The following ACAA1 variants were observed in gnomAD, a reference collection of about 807,000 sequenced individuals.
ACAA1 encodes 3-ketoacyl-CoA thiolase, peroxisomal.
ACAA1 carries 44 observed loss-of-function variants against 48.8 expected under a neutral mutation model. The ratio of observed to expected loss-of-function variants is 0.90; its 90% CI spans 0.71 to 1.16. The LOEUF (loss-of-function observed/expected upper bound fraction) is 1.16. Among genes scored for constraint, ACAA1 ranks in the 50% most tolerant of loss-of-function variants. The pLI is 0.00. For missense variants in ACAA1, 512 were observed against 562.3 expected (o/e 0.91, Z 0.90); for synonymous variants, 233 against 226.5 (o/e 1.03, Z -0.26).
rs760071041 is a variant in ACAA1, at chr3:38,136,934, C to G, written c.102G>C (p.Ser34=). ...CGTGCACCACCACCACGTCCGCGGC[C>G]GAGGCCTGCGGGGCACCGCTCAGGC... The part of the protein sequence containing the change: ...APCLSGAPQA[S]AADVVVVHGR... Residue 34 remains serine (S), a synonymous_variant, in exon 1 of 12, where the codon TCG becomes TCC. Coordinates refer to ENST00000333167, the MANE Select transcript of ACAA1 (RefSeq NM_001607.4). 6.5e-7 allele frequency: 1 copy of G among 1,541,344 alleles called. No homozygotes were observed. The highest frequency in any genetic ancestry group is 1.2e-5 in the South Asian group (1 of 83,926).
At position 38,125,687 on chromosome 3, in the gene ACAA1, T is replaced by C. The variant is rs1309704991; in HGVS notation, c.1077A>G (p.Leu359=). 2 of 1,602,236 alleles carry C rather than the reference T, an allele frequency of 1.2e-6. No individual in the cohort carries two copies. Among genetic ancestry groups the C allele is most frequent in the South Asian group, 1.1e-5 (1 of 89,238 alleles). Reference sequence around the variant, plus strand: ...GGTTCACCTTCTCAGGGGGGAGTCGTAGCTTCTCCACACAGTAGGCAGCCT... The same window carrying C: ...GGTTCACCTTCTCAGGGGGGAGTCGCAGCTTCTCCACACAGTAGGCAGCCT... ...ASQAAYCVEK[L]RLPPEKVNPL... The change falls in exon 11 of 12, where the codon CTA becomes CTG. Residue 359 remains leucine, a synonymous_variant. Coordinates refer to ENST00000333167, the MANE Select transcript of ACAA1 (RefSeq NM_001607.4).
chr3:38,122,966 T>A lies in ACAA1; in HGVS notation c.*81A>T, dbSNP rs975075169. 1.5e-5 allele frequency: 21 copies of A among 1,423,954 alleles called. No homozygotes were observed. Among genetic ancestry groups the A allele is most frequent in the Non-Finnish European group, 2.0e-5 (20 of 1,013,948 alleles). The allele number at this position is 1,423,954 out of a possible 1,614,324, so 88.2% of individuals were successfully genotyped here. ...ACCACCAGTGCTGAGTTTTCCCATG[T>A]GGTTTTGCTTTTGTGGTGTTACTGC... On this transcript the variant is annotated 3_prime_UTR_variant, in exon 12 of 12. Transcript: ENST00000333167.
In ACAA1 at chr3:38,122,852, G is replaced by T; in HGVS notation, c.*195C>A. ...CACAGCTAAAGAGGGTCTGATGGGT[G>T]GCTCAACACCCCACCCACTCCTATA... On this transcript the variant is annotated 3_prime_UTR_variant, in exon 12 of 12. Coordinates refer to ENST00000333167, the MANE Select transcript of ACAA1 (RefSeq NM_001607.4). 1.3e-6 allele frequency: 1 copy of T among 787,790 alleles called. No homozygotes were observed. Among genetic ancestry groups the T allele is most frequent in the Non-Finnish European group, 2.0e-6 (1 of 508,946 alleles). The allele number at this position is 787,790 out of a possible 1,614,324, so 48.8% of individuals were successfully genotyped here. A position where few individuals can be genotyped will look rare whatever the true frequency, so the allele number is the denominator to read the frequency against.
chr3:38,136,138 T>C (rs112593416), intron 2 of ACAA1, among the ~76,000 whole-genome samples: 57 of 152,328 alleles, frequency 3.7e-4, no homozygotes, highest in African/African-American at 1.4e-3. Flanking sequence ...ATACAGCACA[T>C]GTTTCTGTGA....
In ACAA1 at chr3:38,126,452, C is replaced by T. The variant is rs1159997849; in HGVS notation, c.817+58G>A. ...TGGTCTATTCCAGGTTCCCAGAGTA[C>T]AGCACCCAGCATGGCCATGGCCTGC... is the stretch of plus-strand genomic sequence containing the variant. On this transcript the variant is annotated intron_variant, in intron 8 of 11. Coordinates refer to ENST00000333167, the MANE Select transcript of ACAA1 (RefSeq NM_001607.4). The surrounding 1 kb of genome is among the most constrained non-coding windows in gnomAD (Gnocchi z 4.7). 4 of 1,613,126 alleles carry T rather than the reference C, an allele frequency of 2.5e-6. No homozygotes were observed. The highest frequency in any genetic ancestry group is 1.7e-5 in the Admixed American group (1 of 59,972).
chr3:38,131,937 G>C lies in ACAA1; in HGVS notation c.392C>G (p.Ala131Gly), dbSNP rs1267798236. Residue 131 changes from alanine to glycine, a missense_variant, in exon 4 of 12, where the codon GCC (alanine) becomes GGC (glycine). Physicochemically the swap from Ala to Gly is moderately conservative, Grantham distance 60. Transcript: ENST00000333167. Reference protein sequence around the residue: ...RQCSSGLQAVASIAGGIRNGS... With the variant: ...RQCSSGLQAVGSIAGGIRNGS... ...CAGTCATAACTTACCTGCTATGCTG[G>C]CCACTGCCTGTAGCCCCGACGAACA... 6.2e-7 allele frequency: 1 copy of C among 1,613,902 alleles called. No homozygotes were observed. The highest frequency in any genetic ancestry group is 1.1e-5 in the South Asian group (1 of 91,040).
chr3:38,132,141 A>G, intron 3 of ACAA1, 136 bp from the exon 4 acceptor site: 1 of 672,796 alleles, frequency 1.5e-6, no homozygotes, highest in South Asian at 1.7e-5. Flanking sequence ...CTCTGCTCCC[A>G]TGCCAGGCCA....
In ACAA1 at chr3:38,131,654, T is replaced by C; in HGVS notation, c.404-16A>G. On this transcript the variant is annotated splice_polypyrimidine_tract_variant and intron_variant, in intron 4 of 11. Coordinates refer to ENST00000333167, the MANE Select transcript of ACAA1 (RefSeq NM_001607.4). ...CTGATGCCACCTGTAACAAAAGCAT[T>C]TCATAAACATCCTTTGCCAGAGTCC... 6.2e-7 allele frequency: 1 copy of C among 1,614,120 alleles called. No homozygotes were observed. The highest frequency in any genetic ancestry group is 2.2e-5 in the East Asian group (1 of 44,890).
Position 38,131,974 on chromosome 3 carries a change from C to A in ACAA1, c.355G>T (p.Val119Phe). 1 of 1,614,034 alleles carries A rather than the reference C, an allele frequency of 6.2e-7. No individual in the cohort carries two copies. Among genetic ancestry groups the A allele is most frequent in the Non-Finnish European group, 8.5e-7 (1 of 1,179,914 alleles). The change falls in exon 4 of 12, where the codon GTC becomes TTC. Residue 119 changes from valine (V) to phenylalanine (F), a missense_variant. Physicochemically the swap from Val to Phe is conservative, Grantham distance 50 (BLOSUM62 -1). Transcript: ENST00000333167. ...DIPETVPLST[V>F]NRQCSSGLQA... Reference sequence around the variant, plus strand: ...AGCCCCGACGAACACTGTCTATTGACAGTGGACAAAGGCACAGTCTCCGGG... The same window carrying A: ...AGCCCCGACGAACACTGTCTATTGAAAGTGGACAAAGGCACAGTCTCCGGG...
At chr3:38,136,836 C>G in intron 1 of ACAA1, 29 bp downstream of exon 1, 1 of 1,496,510 alleles carries the variant, frequency 6.7e-7, no homozygotes, top group Middle Eastern at 2.4e-4. Flanking sequence ...CGTCTTCCCA[C>G]ACTCGGCGCC....
At position 38,136,854 on chromosome 3, in the gene ACAA1, T is replaced by G. The variant is rs1210938196; in HGVS notation, c.171+11A>C. 2 of 1,521,150 alleles carry G rather than the reference T, an allele frequency of 1.3e-6. No individual in the cohort carries two copies. Among genetic ancestry groups the G allele is most frequent in the Admixed American group, 4.2e-5 (2 of 48,046 alleles). The allele number at this position is 1,521,150 out of a possible 1,614,324, so 94.2% of individuals were successfully genotyped here. On this transcript the variant is annotated intron_variant, in intron 1 of 11. Transcript: ENST00000333167. Reference sequence around the variant, plus strand: ...CTTCCCACACTCGGCGCCCAGACCCTCGGGCCTCACCTTGAAGCCGCCGCG... The same window carrying G: ...CTTCCCACACTCGGCGCCCAGACCCGCGGGCCTCACCTTGAAGCCGCCGCG...
chr3:38,122,866 C>T lies in ACAA1; in HGVS notation c.*181G>A. On this transcript the variant is annotated 3_prime_UTR_variant, in exon 12 of 12. Coordinates refer to ENST00000333167, the MANE Select transcript of ACAA1 (RefSeq NM_001607.4). ...GTCTGATGGGTGGCTCAACACCCCA[C>T]CCACTCCTATACCATGTCATCAGTG... The T allele has an allele frequency of 1.3e-6, 1 of 783,838 alleles. No individual in the cohort carries two copies. Among genetic ancestry groups the T allele is most frequent in the Non-Finnish European group, 2.0e-6 (1 of 501,450 alleles). 48.6% of individuals were successfully genotyped at this position (783,838 alleles called of 1,614,324 possible).
Position 38,125,591 on chromosome 3 carries a change from G to A in ACAA1, c.1173C>T (p.Leu391=). ...CTGARQVITL[L]NELKRRGKRA... is the part of the protein sequence containing the mutation. ...TCTTCCCACGGCGCTTCAGCTCATT[G>A]AGCAGCGTGATGACCTGTCGTGCCC... The change falls in exon 11 of 12, where the codon CTC becomes CTT. Residue 391 remains leucine (L), a synonymous_variant. Coordinates refer to ENST00000333167, the MANE Select transcript of ACAA1 (RefSeq NM_001607.4). 4 of 1,581,398 alleles carry A rather than the reference G, an allele frequency of 2.5e-6. No individual in the cohort carries two copies. The South Asian group carries it at 3.5e-5, about 14-fold the overall frequency.
In ACAA1 at chr3:38,125,812, A is replaced by C; in HGVS notation, c.1053+14T>G. 6.2e-7 allele frequency: 1 copy of C among 1,614,164 alleles called. No homozygotes were observed. The highest frequency in any genetic ancestry group is 8.5e-7 in the Non-Finnish European group (1 of 1,180,016). On this transcript the variant is annotated intron_variant, in intron 10 of 11. Transcript: ENST00000333167. ...TGTCCAGGGCAAAGGCAACATTGAG[A>C]AACAAGGGCTCACCTGGCTTGCAAA...
chr3:38,134,121 C>A, intron 2 of ACAA1, 112 bp from the exon 3 acceptor site: 1 of 1,054,950 alleles, frequency 9.5e-7, no homozygotes, highest in East Asian at 2.5e-5. Context: ...GACACTAGCC[C>A]TTGGCAGGCT....
intron 11 of ACAA1, 108 bp from the exon 12 acceptor site, chr3:38,123,230 AC>A: frequency 1.8e-6 from 2 of 1,103,954 alleles, no homozygotes; most frequent in Non-Finnish European, 2.7e-6. Flanking sequence ...AAACCATCAG[AC>A]CAGATCTGTG....
At chr3:38,125,983 C>T (rs1700673187) in intron 9 of ACAA1, 102 bp from the exon 10 acceptor site, 2 of 1,565,040 alleles carry the variant, frequency 1.3e-6, no homozygotes, top group South Asian at 2.2e-5. Flanking sequence ...GTGTCTCTTC[C>T]AGAAGGGTGA....
chr3:38,133,859 T>C lies in ACAA1; in HGVS notation c.323+93A>G. The C allele has an allele frequency of 2.9e-6, 4 of 1,373,254 alleles. No homozygotes were observed. In the South Asian group the frequency reaches 3.5e-5, roughly 12 times the overall value. The allele number at this position is 1,373,254 out of a possible 1,614,324, so 85.1% of individuals were successfully genotyped here. ...GTTGCCTCATTCTGGTGTCCAACCT[T>C]ATCCTCCCCAACCTGCACACTGAGT... is the stretch of plus-strand genomic sequence containing the variant. On this transcript the variant is annotated intron_variant, in intron 3 of 11. Coordinates refer to ENST00000333167, the MANE Select transcript of ACAA1 (RefSeq NM_001607.4).
At chr3:38,128,519 C>G (rs1301085816) in intron 6 of ACAA1, among the ~76,000 whole-genome samples, 1 of 152,218 alleles carries the variant, frequency 6.6e-6, no homozygotes, top group Non-Finnish European at 1.5e-5. Context: ...ATCCAGGACT[C>G]CTGGCCCAAA....
Sources: allele counts gnomAD v4.1 joint callset (sites outside exome capture counted in the v4.1 genomes callset), GRCh38; gene constraint gnomAD v4.1.1; non-coding constraint Gnocchi (gnomAD v3.1); transcripts MANE v1.5; gene names NCBI Gene and HGNC (gene_info 2026-07-23, HGNC 2026-07-21).